Variants in MAP2 observed in about 807,000 individuals in gnomAD.
MAP2 encodes the protein microtubule-associated protein 2.
MAP2 carries 14 observed loss-of-function variants against 137.6 expected under a neutral mutation model. That is an observed-to-expected ratio of 0.10 (90% CI 0.07 to 0.16). The LOEUF (loss-of-function observed/expected upper bound fraction) is 0.16, where lower values mean the gene tolerates loss of function less well. Among genes scored for constraint, MAP2 ranks in the 10% least tolerant of loss-of-function variants. MAP2 has a pLI of 1.00. For missense variants in MAP2, 2,088 were observed against 2,191.5 expected (o/e 0.95, Z 0.94); for synonymous variants, 786 against 782.3 (o/e 1.00, Z -0.08).
chr2:209,449,623 C>A (rs1409528410), intron 1 of MAP2, among the ~76,000 whole-genome samples: 2 of 151,864 alleles, frequency 1.3e-5, no homozygotes, highest in African/African-American at 4.8e-5. Flanking sequence ...AGAATAATTT[C>A]AAATATCTTG....
chr2:209,529,873 C>T (rs1260264130), intron 2 of MAP2, among the ~76,000 whole-genome samples: 2 of 151,976 alleles, frequency 1.3e-5, no homozygotes, highest in African/African-American at 2.4e-5. Context: ...ACATTTTGTT[C>T]TTTCTTTTCT....
intron 4 of MAP2, among the ~76,000 whole-genome samples, chr2:209,643,441 A>G (rs1274138293): frequency 1.3e-5 from 2 of 152,144 alleles, no homozygotes; most frequent in Non-Finnish European, 2.9e-5. Flanking sequence ...GATACTAAAT[A>G]ATTCAATTAC....
At chr2:209,431,874 T>C (rs1694368564) in intron 1 of MAP2, among the ~76,000 whole-genome samples, 4 of 152,178 alleles carry the variant, frequency 2.6e-5, no homozygotes, top group African/African-American at 9.7e-5. Flanking sequence ...ACCAGCTACA[T>C]GCCAGCTACA....
intron 2 of MAP2, among the ~76,000 whole-genome samples, chr2:209,531,255 A>G (rs1429186549): frequency 6.6e-6 from 1 of 152,172 alleles, no homozygotes; most frequent in Non-Finnish European, 1.5e-5. Flanking sequence ...CTAAGTTCTT[A>G]TTGCACCTGA....
At chr2:209,640,504 G>T (rs2153575397) in intron 4 of MAP2, among the ~76,000 whole-genome samples, 2 of 151,390 alleles carry the variant, frequency 1.3e-5, no homozygotes, top group South Asian at 2.1e-4. Context: ...GGTTTTGCTT[G>T]CTTGAACACG....
intron 1 of MAP2, among the ~76,000 whole-genome samples, chr2:209,500,133 C>T (rs1483213987): frequency 1.3e-5 from 2 of 152,146 alleles, no homozygotes; most frequent in South Asian, 4.2e-4. Flanking sequence ...TTTAAGCACT[C>T]CCCTCTCTGA....
At chr2:209,610,468 C>T (rs2086453064) in intron 3 of MAP2, among the ~76,000 whole-genome samples, 1 of 151,042 alleles carries the variant, frequency 6.6e-6, no homozygotes, top group Non-Finnish European at 1.5e-5. Context: ...TCTCCCAGGG[C>T]TTAGCTGTGT....
Position 209,695,616 on chromosome 2 carries a change from A to T in MAP2, c.3446A>T (p.Glu1149Val). 6.2e-7 allele frequency: 1 copy of T among 1,613,962 alleles called. No homozygotes were observed. Among genetic ancestry groups the T allele is most frequent in the Non-Finnish European group, 8.5e-7 (1 of 1,179,908 alleles). Residue 1149 changes from glutamate (E) to valine (V), a missense_variant, in exon 8 of 16, where the codon GAG becomes GTG. This residue lies in a region of MAP2 where 591 missense variants were observed against 642.6 expected (regional missense o/e 0.92). Transcript: ENST00000682079. ...SLTMESLKAD[E>V]GKKETSPESS... Reference sequence around the variant, plus strand: ...ACCATGGAGTCCTTGAAAGCTGATGAGGGCAAGAAGGAAACATCTCCAGAA... The same window carrying T: ...ACCATGGAGTCCTTGAAAGCTGATGTGGGCAAGAAGGAAACATCTCCAGAA...
At chr2:209,670,733 G>A (rs1273771335) in intron 5 of MAP2, among the ~76,000 whole-genome samples, 1 of 151,876 alleles carries the variant, frequency 6.6e-6, no homozygotes, top group African/African-American at 2.4e-5. Context: ...CACAATCCTA[G>A]TCTACCAATT....
At chr2:209,442,516 T>G (rs1249430243) in intron 1 of MAP2, among the ~76,000 whole-genome samples, 1 of 151,684 alleles carries the variant, frequency 6.6e-6, no homozygotes, top group African/African-American at 2.4e-5. Context: ...AATTTTGGCA[T>G]TATCTCCTCA....
At chr2:209,582,913 T>C (rs1179049587) in intron 3 of MAP2, among the ~76,000 whole-genome samples, 1 of 152,106 alleles carries the variant, frequency 6.6e-6, no homozygotes, top group East Asian at 1.9e-4. Flanking sequence ...GTGGTCTCCA[T>C]TTTACAGATA....
At chr2:209,482,852 A>G (rs547871623) in intron 1 of MAP2, among the ~76,000 whole-genome samples, 1 of 152,232 alleles carries the variant, frequency 6.6e-6, no homozygotes, top group Non-Finnish European at 1.5e-5. Flanking sequence ...AATATACTAC[A>G]TGATAGTGGT....
intron 2 of MAP2, among the ~76,000 whole-genome samples, chr2:209,514,692 A>G: frequency 6.6e-6 from 1 of 152,112 alleles, no homozygotes; most frequent in East Asian, 1.9e-4. Flanking sequence ...GAAATTCTTT[A>G]TATTCTACTT....
chr2:209,642,194 G>T (rs2094087953), intron 4 of MAP2, among the ~76,000 whole-genome samples: 1 of 151,972 alleles, frequency 6.6e-6, no homozygotes, highest in African/African-American at 2.4e-5. Context: ...TGTAATCCCA[G>T]TGTTTTGGAA....
intron 10 of MAP2, among the ~76,000 whole-genome samples, chr2:209,697,993 C>T (rs1477162715): frequency 6.9e-6 from 1 of 144,228 alleles, no homozygotes; most frequent in Admixed American, 7.4e-5. Context: ...GGATTACAGG[C>T]GTGCACCCAG....
chr2:209,684,490 G>C (rs927453135), intron 7 of MAP2: 1 of 152,200 alleles, frequency 6.6e-6, no homozygotes, highest in Non-Finnish European at 1.5e-5. Flanking sequence ...AAAAAGTACC[G>C]AATCACTAAC....
At chr2:209,496,177 T>A (rs1178669024) in intron 1 of MAP2, among the ~76,000 whole-genome samples, 2 of 151,944 alleles carry the variant, frequency 1.3e-5, no homozygotes, top group Non-Finnish European at 2.9e-5. Flanking sequence ...TTCTGGGGAG[T>A]GAGTCATTCC....
intron 1 of MAP2, among the ~76,000 whole-genome samples, chr2:209,499,415 CCA>C (rs1230195841): frequency 6.6e-6 from 1 of 152,142 alleles, no homozygotes; most frequent in Admixed American, 6.5e-5. Context: ...CTAAAAAATT[CCA>C]AACTTTCCCT....
chr2:209,639,435 CCTT>C (rs2093833035), intron 4 of MAP2, among the ~76,000 whole-genome samples: 1 of 151,756 alleles, frequency 6.6e-6, no homozygotes, highest in African/African-American at 2.4e-5. Flanking sequence ...GAATCTAGCC[CCTT>C]GTTTCAGTCC....
Sources: gnomAD v4.1 joint callset for allele counts (sites outside exome capture counted in the v4.1 genomes callset) on GRCh38, gnomAD v4.1.1 for gene constraint, gnomAD v4.1.1 regional missense constraint, MANE v1.5 for transcripts, NCBI Gene and HGNC (gene_info 2026-07-23, HGNC 2026-07-21) for gene names.